PAH: variants seen among roughly 807,000 people sequenced by gnomAD.
PAH encodes phenylalanine-4-hydroxylase.
Under a neutral mutation model 62.0 loss-of-function variants are expected in PAH, and 64 were observed. The ratio of observed to expected loss-of-function variants is 1.03; its 90% confidence interval spans 0.84 to 1.27. The LOEUF (loss-of-function observed/expected upper bound fraction) is 1.27, where lower values mean the gene tolerates loss of function less well. Among genes scored for constraint, PAH ranks in the 50% most tolerant of loss-of-function variants. The probability of loss-of-function intolerance (pLI) is 0.00; values close to 1 mark genes in which losing one functional copy is unlikely to be tolerated. For synonymous variants in PAH, 195 were observed against 196.2 expected, an observed-to-expected ratio of 0.99 and a Z score of 0.05; for missense variants, 579 against 542.8, an observed-to-expected ratio of 1.07 and a Z score of -0.66.
chr12:102,901,205 G>A (rs764203779), intron 2 of PAH, among the ~76,000 whole-genome samples: 9 of 152,100 alleles, frequency 5.9e-5, no homozygotes, highest in South Asian at 2.1e-4. Flanking sequence ...TGGGCGCCCC[G>A]TCTCCTCCTC....
intron 3 of PAH, among the ~76,000 whole-genome samples, chr12:102,890,367 T>C (rs1877226717): frequency 6.6e-6 from 1 of 152,212 alleles, no homozygotes; most frequent in Non-Finnish European, 1.5e-5. Context: ...CTGAGTCCTA[T>C]AGAAAGGGCA....
Position 102,958,243 on chromosome 12 carries a change from G to T in PAH, c.-144C>A, listed in dbSNP as rs867395031. 1.6e-5 allele frequency: 23 copies of T among 1,467,988 alleles called. No homozygotes were observed. The Middle Eastern group carries it at 8.6e-4, about 55-fold the overall frequency. 90.9% of individuals were successfully genotyped at this position (1,467,988 alleles called of 1,614,324 possible). On this transcript the variant is annotated 5_prime_UTR_variant, in exon 1 of 5. Transcript: ENST00000551337. ...TCCGCGACTCCTTGGCCGCCGCTGC[G>T]CATGGAAAGCTCTGCCAAGATGGAG...
At chr12:102,947,169 G>A (rs1406922581) in intron 1 of PAH, among the ~76,000 whole-genome samples, 2 of 152,062 alleles carry the variant, frequency 1.3e-5, no homozygotes, top group Non-Finnish European at 2.9e-5. Context: ...TACTAAATGT[G>A]TGTGTTTGTG....
At chr12:102,842,337 G>C (rs1236619587) in intron 11 of PAH, among the ~76,000 whole-genome samples, 1 of 152,194 alleles carries the variant, frequency 6.6e-6, no homozygotes, top group Non-Finnish European at 1.5e-5. Context: ...AAGGACTTGA[G>C]AGCTCTGGAC....
intron 1 of PAH, among the ~76,000 whole-genome samples, chr12:102,932,739 G>C (rs775284604): frequency 6.6e-6 from 1 of 152,092 alleles, no homozygotes; most frequent in African/African-American, 2.4e-5. Flanking sequence ...TCACTCTTAC[G>C]GGAACTTCAA....
intron 2 of PAH, among the ~76,000 whole-genome samples, chr12:102,898,481 C>G (rs780045424): frequency 2.6e-5 from 4 of 152,098 alleles, no homozygotes; most frequent in Non-Finnish European, 5.9e-5. Context: ...GAAAATATAA[C>G]TAAATAACTC....
intron 3 of PAH, among the ~76,000 whole-genome samples, chr12:102,892,433 G>A (rs1221275583): frequency 1.3e-5 from 2 of 152,120 alleles, no homozygotes; most frequent in Admixed American, 6.5e-5. Flanking sequence ...CACATTCTTA[G>A]GTATTTACTT....
chr12:102,855,339 T>C lies in PAH; in HGVS notation c.510-7A>G, dbSNP rs1457813929. 1 of 1,613,652 alleles carries C rather than the reference T, an allele frequency of 6.2e-7. No homozygotes were observed. Among genetic ancestry groups the C allele is most frequent in the Non-Finnish European group, 8.5e-7 (1 of 1,179,792 alleles). On this transcript the variant is annotated splice_region_variant and splice_polypyrimidine_tract_variant and intron_variant, in intron 5 of 12. Transcript: ENST00000553106. ...TCGAGGGATGGGCTGCCCACTAGAA[T>C]ACAGGCACAAAATAGGTGTCTCAAG...
chr12:102,949,309 G>T (rs1489042361), intron 1 of PAH, among the ~76,000 whole-genome samples: 1 of 152,172 alleles, frequency 6.6e-6, no homozygotes, highest in East Asian at 1.9e-4. Flanking sequence ...TCTCACTGAT[G>T]ACATCATTTG....
intron 3 of PAH, among the ~76,000 whole-genome samples, chr12:102,893,658 A>G (rs1275447516): frequency 6.6e-6 from 1 of 152,230 alleles, no homozygotes; most frequent in Non-Finnish European, 1.5e-5. Context: ...GGGCAGTTAA[A>G]GCAATTTGTC....
intron 1 of PAH, among the ~76,000 whole-genome samples, chr12:102,925,736 C>A (rs1878666540): frequency 6.6e-6 from 1 of 152,052 alleles, no homozygotes; most frequent in Non-Finnish European, 1.5e-5. Flanking sequence ...CAGCCAAAGC[C>A]CACATAAACC....
intron 1 of PAH, chr12:102,946,937 C>A (rs1357818702): frequency 1.3e-5 from 2 of 152,096 alleles, no homozygotes; most frequent in African/African-American, 4.8e-5. Context: ...TATAAAGTTC[C>A]ATTTTTTTAT....
At chr12:102,852,076 T>C (rs79919380) in intron 7 of PAH, 4,815 of 357,270 alleles carry the variant, frequency 0.013, 202 homozygotes, top group African/African-American at 0.09. Flanking sequence ...CTAAGTGAGC[T>C]ATGAGTCATG....
chr12:102,884,377 C>G (rs912762967), intron 3 of PAH, among the ~76,000 whole-genome samples: 2 of 152,110 alleles, frequency 1.3e-5, no homozygotes, highest in African/African-American at 4.8e-5. Context: ...CACAGAGGAC[C>G]CCAGACAAAC....
Position 102,839,081 on chromosome 12 carries a change from T to G in PAH, c.*94A>C. 1 of 1,089,246 alleles carries G rather than the reference T, an allele frequency of 9.2e-7. No individual in the cohort carries two copies. Among genetic ancestry groups the G allele is most frequent in the South Asian group, 1.3e-5 (1 of 79,048 alleles). The allele number at this position is 1,089,246 out of a possible 1,614,324, so 67.5% of individuals were successfully genotyped here. ...AAGGATTTAAGGCTGTTATTTCAAA[T>G]TAAGGTTTGCTTTTCGGACTTTTTC... On this transcript the variant is annotated 3_prime_UTR_variant, in exon 13 of 13. Coordinates refer to ENST00000553106, the MANE Select transcript of PAH (RefSeq NM_000277.3).
chr12:102,915,077 C>A (rs541143210), intron 1 of PAH: 2 of 152,288 alleles, frequency 1.3e-5, no homozygotes, highest in Non-Finnish European at 2.9e-5. Flanking sequence ...CCTACAGGAA[C>A]CTCCTTTCCA....
chr12:102,896,272 C>T (rs1431814840), intron 2 of PAH, among the ~76,000 whole-genome samples: 1 of 152,076 alleles, frequency 6.6e-6, no homozygotes, highest in African/African-American at 2.4e-5. Flanking sequence ...GCATGCCTGG[C>T]CTGTTGAAGA....
chr12:102,844,779 C>T (rs758244255), intron 9 of PAH, among the ~76,000 whole-genome samples: 1 of 152,186 alleles, frequency 6.6e-6, no homozygotes, highest in Non-Finnish European at 1.5e-5. Context: ...TTCTGGGACT[C>T]GCACCCAACC....
intron 1 of PAH, among the ~76,000 whole-genome samples, chr12:102,941,643 A>G (rs73395441): frequency 0.032 from 4,902 of 152,244 alleles, 272 homozygotes; most frequent in African/African-American, 0.11. Context: ...ACACTGGAAC[A>G]CCCAGATTCA....
Sources: allele counts gnomAD v4.1 joint callset (sites outside exome capture counted in the v4.1 genomes callset), GRCh38; gene constraint gnomAD v4.1.1; transcripts MANE v1.5; gene names NCBI Gene and HGNC (gene_info 2026-07-23, HGNC 2026-07-21).